SGPP2: variants seen among roughly 807,000 people sequenced by gnomAD.
SGPP2 encodes sphingosine-1-phosphate phosphatase 2, also known as sphingosine 1-phosphate phosphohydrolase 2.
In SGPP2, 30 loss-of-function variants were observed where a neutral mutation model predicts 33.9. That is an observed-to-expected ratio of 0.89 (90% CI 0.66 to 1.20). SGPP2 has a LOEUF of 1.20. Ranked by LOEUF, SGPP2 falls within the 50% of genes most tolerant of loss-of-function variation. SGPP2 has a pLI of 0.00. For synonymous variants in SGPP2, 233 were observed against 225.0 expected (o/e 1.04, Z -0.32); for missense variants, 458 against 532.1 (o/e 0.86, Z 1.37).
In SGPP2 at chr2:222,560,044, G is replaced by A. The variant is rs921456980; in HGVS notation, c.*1146G>A. ...TTGGGGGTTAGCCTTCAGCACAGGT[G>A]GATACATCTGGGATTCACTGAGATT... is the stretch of plus-strand genomic sequence containing the variant. On this transcript the variant is annotated 3_prime_UTR_variant, in exon 5 of 5. Transcript: ENST00000321276. 1 of 152,328 alleles carries A rather than the reference G, an allele frequency of 6.6e-6. No individual in the cohort carries two copies. Among genetic ancestry groups the A allele is most frequent in the African/African-American group, 2.4e-5 (1 of 41,456 alleles). 9.4% of individuals were successfully genotyped at this position (152,328 alleles called of 1,614,324 possible).
intron 2 of SGPP2, among the ~76,000 whole-genome samples, chr2:222,515,741 A>G (rs1233178011): frequency 6.6e-6 from 1 of 152,180 alleles, no homozygotes; most frequent in East Asian, 1.9e-4. Flanking sequence ...CACATGTTTA[A>G]AATATACAAG....
At chr2:222,431,558 T>C (rs564554710) in intron 1 of SGPP2, among the ~76,000 whole-genome samples, 20 of 152,098 alleles carry the variant, frequency 1.3e-4, no homozygotes, top group African/African-American at 4.3e-4. Context: ...ATTGAAGGAC[T>C]ATTTACAAAG....
At chr2:222,424,915 A>T (rs1697038216) in intron 1 of SGPP2, 94 bp downstream of exon 1, 8 of 1,064,584 alleles carry the variant, frequency 7.5e-6, no homozygotes, top group Non-Finnish European at 9.7e-6. Context: ...GGCCGGGCCG[A>T]GAGGGCGCCG....
chr2:222,524,900 C>T (rs773173183), intron 3 of SGPP2, 44 bp from the exon 4 acceptor site: 10 of 1,453,330 alleles, frequency 6.9e-6, no homozygotes, highest in Non-Finnish European at 9.6e-6. Context: ...TCATGTATGT[C>T]TGAGTGTGAT....
intron 2 of SGPP2, among the ~76,000 whole-genome samples, chr2:222,489,875 G>T (rs527555898): frequency 6.6e-6 from 1 of 152,160 alleles, no homozygotes; most frequent in Non-Finnish European, 1.5e-5. Flanking sequence ...TGAGGCAGGA[G>T]AATCACTTGA....
chr2:222,465,811 T>A lies in SGPP2; in HGVS notation c.220-8757T>A, dbSNP rs1472737969. ...TCACACATATCCCAGCAGGCAGAGC[T>A]GCCTCCTGCTTGGGGCCTTTCACTA... On this transcript the variant is annotated intron_variant, in intron 1 of 4. Transcript: ENST00000321276. The surrounding 1 kb of genome is among the most constrained non-coding windows in gnomAD (Gnocchi z 4.1). Among the ~76,000 whole-genome samples, 1 of 152,166 alleles carries A rather than the reference T, an allele frequency of 6.6e-6. No homozygotes were observed. The highest frequency in any genetic ancestry group is 1.5e-5 in the Non-Finnish European group (1 of 68,030).
Position 222,558,532 on chromosome 2 carries a change from C to A in SGPP2, c.834C>A (p.Thr278=), listed in dbSNP as rs1689459881. The A allele has an allele frequency of 6.2e-7, 1 of 1,614,076 alleles. No homozygotes were observed. The highest frequency in any genetic ancestry group is 1.1e-5 in the South Asian group (1 of 91,088). The change falls in exon 5 of 5, where the codon ACC becomes ACA. Residue 278 remains threonine, a synonymous_variant. Coordinates refer to ENST00000321276, the MANE Select transcript of SGPP2 (RefSeq NM_152386.4). ...ACAGCCCAACCCGGGCGGACACCAC[C>A]ACCATTCTGGCTGCCGGGGCTGGAG... ...DYYSPTRADT[T]TILAAGAGVT...
At chr2:222,538,556 G>C (rs1446351882) in intron 4 of SGPP2, among the ~76,000 whole-genome samples, 1 of 152,188 alleles carries the variant, frequency 6.6e-6, no homozygotes, top group East Asian at 1.9e-4. Context: ...GAAGCAGTTT[G>C]TGCCAAGTCC....
chr2:222,536,544 G>A (rs1036480534), intron 4 of SGPP2, among the ~76,000 whole-genome samples: 1 of 152,126 alleles, frequency 6.6e-6, no homozygotes, highest in Non-Finnish European at 1.5e-5. Context: ...GCCAGGCATG[G>A]TAGCAGGCAC....
At chr2:222,522,304 A>G (rs1698697941) in intron 3 of SGPP2, among the ~76,000 whole-genome samples, 2 of 119,250 alleles carry the variant, frequency 1.7e-5, no homozygotes, top group Admixed American at 1.8e-4. Context: ...AGAGGAGTTT[A>G]TGTCCTAGTA....
At chr2:222,510,476 G>T (rs975438189) in intron 2 of SGPP2, among the ~76,000 whole-genome samples, 1 of 152,188 alleles carries the variant, frequency 6.6e-6, no homozygotes, top group African/African-American at 2.4e-5. Flanking sequence ...GTAAATCCCA[G>T]CAGTTTGCAG....
chr2:222,473,448 A>G (rs1157581411), intron 1 of SGPP2, among the ~76,000 whole-genome samples: 1 of 152,178 alleles, frequency 6.6e-6, no homozygotes, highest in Non-Finnish European at 1.5e-5. Context: ...TTCTAAAGAA[A>G]ATTCTTGTGA....
chr2:222,467,502 G>A (rs1697764319), intron 1 of SGPP2, among the ~76,000 whole-genome samples: 1 of 152,128 alleles, frequency 6.6e-6, no homozygotes, highest in Non-Finnish European at 1.5e-5. Flanking sequence ...AGTCATTTAT[G>A]TGAAATTATC....
intron 1 of SGPP2, among the ~76,000 whole-genome samples, chr2:222,429,356 C>T (rs983434893): frequency 1.3e-5 from 2 of 152,198 alleles, no homozygotes; most frequent in Non-Finnish European, 2.9e-5. Context: ...GACATTTTGG[C>T]TTCACCATAA....
At chr2:222,425,322 C>T (rs1391958873) in intron 1 of SGPP2, among the ~76,000 whole-genome samples, 2 of 152,180 alleles carry the variant, frequency 1.3e-5, no homozygotes, top group African/African-American at 2.4e-5. Context: ...ACTTGGGGCT[C>T]ACACAGCTCC....
intron 2 of SGPP2, among the ~76,000 whole-genome samples, chr2:222,480,088 G>A (rs1209495006): frequency 6.6e-6 from 1 of 152,132 alleles, no homozygotes; most frequent in Non-Finnish European, 1.5e-5. Flanking sequence ...ACTACCCCAT[G>A]GCATGATTAT....
intron 1 of SGPP2, among the ~76,000 whole-genome samples, chr2:222,466,299 C>T (rs1360064121): frequency 7.1e-6 from 1 of 141,128 alleles, no homozygotes; most frequent in Non-Finnish European, 1.5e-5. Context: ...CTCTCTGTCA[C>T]CCAGGCTGGA....
chr2:222,450,095 G>T (rs879358164), intron 1 of SGPP2, among the ~76,000 whole-genome samples: 16 of 152,300 alleles, frequency 1.1e-4, no homozygotes, highest in Admixed American at 1.0e-3. Context: ...CCACTTAAGA[G>T]AAACTAGAAT....
At chr2:222,526,351 G>C (rs911647629) in intron 4 of SGPP2, among the ~76,000 whole-genome samples, 1 of 152,158 alleles carries the variant, frequency 6.6e-6, no homozygotes, top group African/African-American at 2.4e-5. Context: ...AATAAGAAAG[G>C]AGCAATGAAG....
Sources: gnomAD v4.1 joint callset for allele counts (sites outside exome capture counted in the v4.1 genomes callset) on GRCh38, gnomAD v4.1.1 for gene constraint, Gnocchi (gnomAD v3.1) non-coding constraint, MANE v1.5 for transcripts, NCBI Gene and HGNC (gene_info 2026-07-23, HGNC 2026-07-21) for gene names.